GRIN2B: variants seen among roughly 807,000 people sequenced by gnomAD.
GRIN2B encodes the protein glutamate receptor ionotropic, NMDA 2B.
GRIN2B carries 5 observed loss-of-function variants against 114.5 expected under a neutral mutation model. The ratio of observed to expected loss-of-function variants is 0.04; its 90% confidence interval spans 0.02 to 0.09. The LOEUF is 0.09. Ranked by LOEUF, GRIN2B falls within the 10% of genes least tolerant of loss-of-function variation. The pLI is 1.00. For synonymous variants in GRIN2B, 787 were observed against 745.1 expected (o/e 1.06, Z -0.92); for missense variants, 1,108 against 1,943.5 (o/e 0.57, Z 8.08).
chr12:13,924,300 GGGACTATTTTAAAA>G (rs1866878321), intron 2 of GRIN2B, among the ~76,000 whole-genome samples: 1 of 152,184 alleles, frequency 6.6e-6, no homozygotes, highest in Non-Finnish European at 1.5e-5. Flanking sequence ...GTTTAATGAA[GGGACTATTTTAAAA>G]GGTGTGGGCA....
At chr12:13,760,390 T>C (rs146439463) in intron 3 of GRIN2B, among the ~76,000 whole-genome samples, 60 of 152,360 alleles carry the variant, frequency 3.9e-4, no homozygotes, top group African/African-American at 1.4e-3. Flanking sequence ...CCTATCTTTG[T>C]TGGCTATCCA....
intron 4 of GRIN2B, among the ~76,000 whole-genome samples, chr12:13,677,534 G>A (rs1475826466): frequency 2.0e-5 from 3 of 152,100 alleles, no homozygotes; most frequent in Admixed American, 6.6e-5. Context: ...AAGGAGTAGC[G>A]ATTCCTAGAA....
chr12:13,624,175 A>C (rs1219357363), intron 5 of GRIN2B, among the ~76,000 whole-genome samples: 1 of 152,230 alleles, frequency 6.6e-6, no homozygotes, highest in Non-Finnish European at 1.5e-5. Context: ...TTCAAAATTC[A>C]TATCTCTGAA....
intron 3 of GRIN2B, among the ~76,000 whole-genome samples, chr12:13,768,257 C>T (rs1863837204): frequency 6.6e-6 from 1 of 152,188 alleles, no homozygotes; most frequent in Non-Finnish European, 1.5e-5. Flanking sequence ...GGGTACCTGG[C>T]CGAAGCAGAC....
At chr12:13,853,991 AG>A (rs1370228795) in intron 3 of GRIN2B, among the ~76,000 whole-genome samples, 2 of 152,202 alleles carry the variant, frequency 1.3e-5, no homozygotes, top group African/African-American at 4.8e-5. Context: ...GAGAACTAAA[AG>A]AACTACTACC....
intron 5 of GRIN2B, among the ~76,000 whole-genome samples, chr12:13,638,290 A>C (rs1333309877): frequency 6.6e-6 from 1 of 152,158 alleles, no homozygotes; most frequent in Non-Finnish European, 1.5e-5. Flanking sequence ...CGTATAAGAG[A>C]CTAGTCCCTA....
At chr12:13,667,512 T>A (rs10845820) in intron 5 of GRIN2B, among the ~76,000 whole-genome samples, 7,020 of 152,274 alleles carry the variant, frequency 0.046, 329 homozygotes, top group East Asian at 0.23. Flanking sequence ...CCACCAACTC[T>A]GAAATTATTT....
chr12:13,639,231 G>A (rs1949690460), intron 5 of GRIN2B, among the ~76,000 whole-genome samples: 1 of 152,110 alleles, frequency 6.6e-6, no homozygotes. Context: ...AGAATTTCAG[G>A]AGCAATGCTC....
chr12:13,726,798 T>G (rs1238977271), intron 4 of GRIN2B, among the ~76,000 whole-genome samples: 1 of 151,858 alleles, frequency 6.6e-6, no homozygotes, highest in Non-Finnish European at 1.5e-5. Context: ...CAATGTGTAG[T>G]CTTTTATCCC....
At chr12:13,695,820 G>C (rs1185533478) in intron 4 of GRIN2B, among the ~76,000 whole-genome samples, 1 of 152,184 alleles carries the variant, frequency 6.6e-6, no homozygotes, top group African/African-American at 2.4e-5. Flanking sequence ...GCGGCTCATA[G>C]TGTAGATAAG....
rs917934350 is a variant in GRIN2B, at chr12:13,556,089, G to A, written c.*6694C>T. The A allele has an allele frequency of 6.6e-6, 1 of 152,182 alleles. No individual in the cohort carries two copies. The highest frequency in any genetic ancestry group is 1.5e-5 in the Non-Finnish European group (1 of 68,046). The allele number at this position is 152,182 out of a possible 1,614,324, so 9.4% of individuals were successfully genotyped here. On this transcript the variant is annotated 3_prime_UTR_variant, in exon 14 of 14. Coordinates refer to ENST00000609686, the MANE Select transcript of GRIN2B (RefSeq NM_000834.5). ...ATTTATGGACCAGAACAACAGAGGG[G>A]TCTTGAAGGAAGGAAGATATAGAAA...
chr12:13,687,092 A>T (rs1382526089), intron 4 of GRIN2B, among the ~76,000 whole-genome samples: 3 of 152,150 alleles, frequency 2.0e-5, no homozygotes, highest in Non-Finnish European at 1.5e-5. Flanking sequence ...CATCAGAGGC[A>T]GATGCCCAAT....
At chr12:13,727,087 GA>G (rs1863003252) in intron 4 of GRIN2B, among the ~76,000 whole-genome samples, 1 of 152,102 alleles carries the variant, frequency 6.6e-6, no homozygotes, top group East Asian at 1.9e-4. Context: ...AGAGCAACCA[GA>G]AAGCGGCAGA....
At chr12:13,868,730 A>G (rs1285592540) in intron 2 of GRIN2B, among the ~76,000 whole-genome samples, 1 of 152,180 alleles carries the variant, frequency 6.6e-6, no homozygotes, top group Non-Finnish European at 1.5e-5. Flanking sequence ...CTCACACAAT[A>G]TATTATATTT....
intron 3 of GRIN2B, among the ~76,000 whole-genome samples, chr12:13,756,866 A>G (rs1453713987): frequency 6.6e-6 from 1 of 152,152 alleles, no homozygotes; most frequent in Non-Finnish European, 1.5e-5. Flanking sequence ...TTAAATACCA[A>G]CTTGGCCCTC....
chr12:13,893,838 G>A (rs181948447), intron 2 of GRIN2B, among the ~76,000 whole-genome samples: 309 of 151,948 alleles, frequency 2.0e-3, no homozygotes, highest in African/African-American at 7.2e-3. Flanking sequence ...AAAAAAAGAA[G>A]GGGGCTTGCA....
intron 5 of GRIN2B, among the ~76,000 whole-genome samples, chr12:13,658,006 G>C (rs1949882995): frequency 6.6e-6 from 1 of 152,122 alleles, no homozygotes; most frequent in African/African-American, 2.4e-5. Flanking sequence ...AGGAGTTTGA[G>C]ACCAGCCTGA....
intron 5 of GRIN2B, among the ~76,000 whole-genome samples, chr12:13,666,608 T>C (rs974353778): frequency 2.0e-5 from 3 of 152,192 alleles, no homozygotes; most frequent in African/African-American, 7.2e-5. Flanking sequence ...ATTACTTCCT[T>C]TAAAATGTTT....
intron 3 of GRIN2B, among the ~76,000 whole-genome samples, chr12:13,786,279 GT>G (rs1864219713): frequency 6.6e-6 from 1 of 152,136 alleles, no homozygotes; most frequent in South Asian, 2.1e-4. Flanking sequence ...ATAATTTGGG[GT>G]TTAATTTGAT....
Sources: gnomAD v4.1 joint callset for allele counts (sites outside exome capture counted in the v4.1 genomes callset) on GRCh38, gnomAD v4.1.1 for gene constraint, MANE v1.5 for transcripts, NCBI Gene and HGNC (gene_info 2026-07-23, HGNC 2026-07-21) for gene names.